Variants in ZNF536 observed in about 807,000 individuals in gnomAD.
ZNF536 encodes the protein zinc finger protein 536.
In ZNF536, 13 loss-of-function variants were observed where a neutral mutation model predicts 84.5. The ratio of observed to expected loss-of-function variants is 0.15; its 90% CI spans 0.10 to 0.24. The LOEUF (loss-of-function observed/expected upper bound fraction) is 0.24. Among genes scored for constraint, ZNF536 ranks in the 10% least tolerant of loss-of-function variants. ZNF536 has a pLI of 1.00. For synonymous variants in ZNF536, 811 were observed against 742.5 expected (o/e 1.09, Z -1.50); for missense variants, 1,536 against 1,747.5 (o/e 0.88, Z 2.16).
chr19:30,452,792 AC>A (rs2052664994), intron 2 of ZNF536, among the ~76,000 whole-genome samples: 1 of 151,784 alleles, frequency 6.6e-6, no homozygotes, highest in Admixed American at 6.6e-5. Flanking sequence ...GCCATCTGTG[AC>A]CCTTGGGCCT....
intron 1 of ZNF536, among the ~76,000 whole-genome samples, chr19:30,565,387 G>A (rs1002727382): frequency 2.0e-5 from 3 of 152,090 alleles, no homozygotes; most frequent in South Asian, 2.1e-4. Context: ...GACTTGTTCC[G>A]AGCCTTGCCC....
At chr19:30,423,634 C>G (rs74377003) in intron 1 of ZNF536, among the ~76,000 whole-genome samples, 47 of 152,328 alleles carry the variant, frequency 3.1e-4, no homozygotes, top group Admixed American at 7.8e-4. Flanking sequence ...GCCAGGCCTT[C>G]GCCAGCTGGG....
intron 1 of ZNF536, among the ~76,000 whole-genome samples, chr19:30,263,476 G>T (rs930031028): frequency 3.3e-5 from 5 of 152,156 alleles, no homozygotes; most frequent in African/African-American, 1.2e-4. Context: ...GCTGCCCATT[G>T]CTGAGGAAGG....
At chr19:30,225,954 GA>G, upstream of ZNF536, among the ~76,000 whole-genome samples, 1 of 148,484 alleles carries the variant, frequency 6.7e-6, no homozygotes, top group Non-Finnish European at 1.5e-5. Flanking sequence ...GGGGTGGGGG[GA>G]AAGAAGAGGA....
chr19:30,261,515 T>C (rs1490490144), intron 1 of ZNF536, among the ~76,000 whole-genome samples: 1 of 150,786 alleles, frequency 6.6e-6, no homozygotes, highest in African/African-American at 2.4e-5. Context: ...ATCTGGGCAA[T>C]GTAACAAGAC....
At chr19:30,310,063 A>G (rs1268313693) in intron 2 of ZNF536, among the ~76,000 whole-genome samples, 9 of 152,176 alleles carry the variant, frequency 5.9e-5, no homozygotes, top group Admixed American at 6.5e-5. Context: ...CTCCTTCTCC[A>G]TAGGTCTCTC....
At chr19:30,415,331 CTCT>C (rs946418225) in intron 1 of ZNF536, among the ~76,000 whole-genome samples, 35 of 138,416 alleles carry the variant, frequency 2.5e-4, no homozygotes, top group South Asian at 1.7e-3. Context: ...CTTCTTCTTC[CTCT>C]TCTTCTTCTT....
chr19:30,462,231 T>C (rs2053171104), intron 2 of ZNF536, among the ~76,000 whole-genome samples: 1 of 152,024 alleles, frequency 6.6e-6, no homozygotes, highest in South Asian at 2.1e-4. Context: ...CAGGACTCAG[T>C]AGAGGGGCTG....
intron 1 of ZNF536, among the ~76,000 whole-genome samples, chr19:30,423,698 G>A (rs552120037): frequency 9.8e-5 from 15 of 152,334 alleles, no homozygotes; most frequent in Admixed American, 4.6e-4. Context: ...GTCCCCAGCC[G>A]CTGAGGGCCT....
chr19:30,402,458 T>C (rs2050082060), intron 1 of ZNF536, among the ~76,000 whole-genome samples: 1 of 152,128 alleles, frequency 6.6e-6, no homozygotes, highest in African/African-American at 2.4e-5. Flanking sequence ...TCTAAGGCAG[T>C]CTCAGAATGG....
At chr19:30,262,324 G>A (rs1232148869) in intron 1 of ZNF536, among the ~76,000 whole-genome samples, 1 of 152,210 alleles carries the variant, frequency 6.6e-6, no homozygotes, top group Non-Finnish European at 1.5e-5. Context: ...TCATGGAGCT[G>A]TACCACTGAG....
chr19:30,229,653 G>A (rs1464705802), intron 1 of ZNF536, among the ~76,000 whole-genome samples: 2 of 152,176 alleles, frequency 1.3e-5, no homozygotes, highest in Non-Finnish European at 2.9e-5. Context: ...GAGAGCCCAG[G>A]GCTTCTGGCT....
chr19:30,704,439 G>A (rs1437752456), intron 1 of ZNF536, among the ~76,000 whole-genome samples: 3 of 152,022 alleles, frequency 2.0e-5, no homozygotes, highest in African/African-American at 7.2e-5. Flanking sequence ...CTGAGGTCAG[G>A]AGTTCGAGAC....
Position 30,627,437 on chromosome 19 carries a change from C to CTCCAG in ZNF536, c.169+77924_169+77928dup, listed in dbSNP as rs1261645454. The stretch of plus-strand genomic sequence containing the variant: ...AGTGAGCCATGGTTGTGACACTGCA[C>CTCCAG]TCCAGCCTGGGTGACAGACCAAGGC... On this transcript the variant is annotated intron_variant, in intron 1 of 1. Transcript: ENST00000592773. 3.9e-5 allele frequency among the ~76,000 whole-genome samples: 5 copies of CTCCAG among 126,794 alleles called. No homozygotes were observed. The East Asian group carries it at 1.2e-3, about 31-fold the overall frequency. 83.2% of individuals were successfully genotyped at this position (126,794 alleles called of 152,430 possible).
At chr19:30,277,594 C>G (rs1015722164) in intron 1 of ZNF536, among the ~76,000 whole-genome samples, 4 of 152,202 alleles carry the variant, frequency 2.6e-5, no homozygotes, top group African/African-American at 4.8e-5. Flanking sequence ...ATGCTGGGCT[C>G]TGTGTCAGGG....
At chr19:30,339,894 C>T (rs2047509513) in intron 2 of ZNF536, among the ~76,000 whole-genome samples, 1 of 152,188 alleles carries the variant, frequency 6.6e-6, no homozygotes, top group Non-Finnish European at 1.5e-5. Flanking sequence ...TGTTCTCCTT[C>T]TGCCCCAGAT....
chr19:30,444,546 G>A lies in ZNF536; in HGVS notation c.984G>A (p.Ser328=), dbSNP rs796120838. ...AGAAGGCACACATCACGGCCGAGTC[G>A]GCCCAGGGCCAGGGCCCCAACGGCG... ...HVEKAHITAE[S]AQGQGPNGGG... is the part of the protein sequence containing the mutation. Residue 328 remains serine, a synonymous_variant, in exon 2 of 5, where the codon TCG becomes TCA. Transcript: ENST00000355537. 6.2e-7 allele frequency: 1 copy of A among 1,613,380 alleles called. No homozygotes were observed. Among genetic ancestry groups the A allele is most frequent in the East Asian group, 2.2e-5 (1 of 44,878 alleles).
intron 1 of ZNF536, among the ~76,000 whole-genome samples, chr19:30,694,093 C>CG (rs1568678569): frequency 6.6e-6 from 1 of 152,102 alleles, no homozygotes; most frequent in Non-Finnish European, 1.5e-5. Flanking sequence ...GATTGGATAT[C>CG]GATACACTTA....
At chr19:30,345,268 T>A (rs1308465383) in intron 2 of ZNF536, among the ~76,000 whole-genome samples, 3 of 152,170 alleles carry the variant, frequency 2.0e-5, no homozygotes, top group Non-Finnish European at 2.9e-5. Flanking sequence ...TGCACTCAGC[T>A]CCTTTCTCTG....
Sources: gnomAD v4.1 joint callset for allele counts (sites outside exome capture counted in the v4.1 genomes callset) on GRCh38, gnomAD v4.1.1 for gene constraint, MANE v1.5 for transcripts, NCBI Gene and HGNC (gene_info 2026-07-23, HGNC 2026-07-21) for gene names.